The following CACNA1A variants were observed in gnomAD, a reference collection of about 807,000 sequenced individuals.
The protein encoded by CACNA1A is voltage-dependent P/Q-type calcium channel subunit alpha-1A.
CACNA1A carries 57 observed loss-of-function variants against 262.4 expected under a neutral mutation model. The ratio of observed to expected loss-of-function variants is 0.22; its 90% CI spans 0.18 to 0.27. The LOEUF (loss-of-function observed/expected upper bound fraction) is 0.27, where lower values mean the gene tolerates loss of function less well. Ranked by LOEUF, CACNA1A falls within the 10% of genes least tolerant of loss-of-function variation. The probability of loss-of-function intolerance (pLI) is 1.00; values close to 1 mark genes in which losing one functional copy is unlikely to be tolerated. For missense variants in CACNA1A, 2,526 were observed against 3,562.8 expected (o/e 0.71, Z 7.41); for synonymous variants, 1,431 against 1,419.3 (o/e 1.01, Z -0.18).
At chr19:13,390,964 G>A (rs2059700721) in intron 3 of CACNA1A, among the ~76,000 whole-genome samples, 2 of 151,920 alleles carry the variant, frequency 1.3e-5, no homozygotes, top group South Asian at 4.1e-4. Context: ...TCAGCTCACT[G>A]CAACCTCCAC....
At chr19:13,454,582 G>A (rs1444070568) in intron 2 of CACNA1A, among the ~76,000 whole-genome samples, 1 of 152,084 alleles carries the variant, frequency 6.6e-6, no homozygotes, top group Admixed American at 6.6e-5. Context: ...ATGTTGGTCA[G>A]GATGGTCTCG....
At chr19:13,377,597 A>G (rs1328148012) in intron 3 of CACNA1A, among the ~76,000 whole-genome samples, 1 of 151,848 alleles carries the variant, frequency 6.6e-6, no homozygotes, top group African/African-American at 2.4e-5. Context: ...TCCTGACCTC[A>G]AGTTACCCAC....
chr19:13,433,146 A>G (rs963816531), intron 3 of CACNA1A, among the ~76,000 whole-genome samples: 2 of 151,852 alleles, frequency 1.3e-5, no homozygotes, highest in Non-Finnish European at 2.9e-5. Context: ...ACAAAAAATT[A>G]GCCAGGCGAG....
chr19:13,402,789 C>A, intron 3 of CACNA1A, among the ~76,000 whole-genome samples: 1 of 115,300 alleles, frequency 8.7e-6, no homozygotes, highest in African/African-American at 4.0e-5. Context: ...CATATATATA[C>A]ATATATACAC....
At position 13,286,828 on chromosome 19, in the gene CACNA1A, C is replaced by T. The variant is rs373678395; in HGVS notation, c.3228G>A (p.Ala1076=). The T allele has an allele frequency of 5.3e-5, 86 of 1,613,436 alleles. No homozygotes were observed. Among genetic ancestry groups the T allele is most frequent in the South Asian group, 2.2e-4 (20 of 91,048 alleles). Residue 1076 remains alanine (A), a synonymous_variant, in exon 20 of 47, where the codon GCG becomes GCA. Transcript: ENST00000360228. ...DNMKNNKLAT[A]ESAAPHGSLG... The stretch of plus-strand genomic sequence containing the variant: ...GGCTGCCGTGGGGAGCGGCCGACTC[C>T]GCGGTGGCCAGCTTGTTGTTCTTCA...
chr19:13,452,653 C>T, intron 3 of CACNA1A: 1 of 424,778 alleles, frequency 2.4e-6, no homozygotes. Flanking sequence ...CTGGAAGCAG[C>T]CAACAATAAT....
At chr19:13,484,884 A>G (rs1979789701) in intron 1 of CACNA1A, among the ~76,000 whole-genome samples, 1 of 152,234 alleles carries the variant, frequency 6.6e-6, no homozygotes, top group African/African-American at 2.4e-5. Context: ...TTTTAGAGCA[A>G]GCCAGACTTG....
intron 15 of CACNA1A, 38 bp from the exon 16 acceptor site, chr19:13,303,922 C>G (rs1449075782): frequency 1.4e-6 from 2 of 1,423,896 alleles, no homozygotes; most frequent in South Asian, 2.4e-5. Flanking sequence ...CAACCCCCCT[C>G]TCAGCCACGG....
At chr19:13,300,854 TTATGAAGCC>T (rs1331222417) in intron 17 of CACNA1A, among the ~76,000 whole-genome samples, 198 bp from the exon 18 acceptor site, 6 of 152,174 alleles carry the variant, frequency 3.9e-5, no homozygotes, top group African/African-American at 1.4e-4. Context: ...ATCTAACTCA[TTATGAAGCC>T]TATTTTAACA....
chr19:13,456,043 G>A (rs191223346), intron 1 of CACNA1A, among the ~76,000 whole-genome samples: 187 of 151,958 alleles, frequency 1.2e-3, no homozygotes, highest in African/African-American at 4.2e-3. Context: ...CCAGCTACTT[G>A]GGAGGCCGGG....
intron 6 of CACNA1A, among the ~76,000 whole-genome samples, chr19:13,340,059 C>G (rs1287588281): frequency 6.6e-6 from 1 of 152,100 alleles, no homozygotes. Context: ...GCCCAGGGAA[C>G]GAAACTCTGC....
intron 10 of CACNA1A, among the ~76,000 whole-genome samples, chr19:13,321,025 C>CTT (rs55792271): frequency 6.6e-5 from 9 of 135,928 alleles, no homozygotes; most frequent in Admixed American, 2.3e-4. Context: ...TGTTCTTTTC[C>CTT]TTTTTTTTTT....
chr19:13,299,018 CT>C lies in CACNA1A; in HGVS notation c.2614del (p.Ser872AlafsTer20), dbSNP rs762271784. The C allele has an allele frequency of 6.3e-7, 1 of 1,589,500 alleles. No individual in the cohort carries two copies. Among genetic ancestry groups the C allele is most frequent in the Non-Finnish European group, 8.5e-7 (1 of 1,173,872 alleles). ...ARYHDRARDP[S>X]GSAGLDARRP... Reference sequence around the variant, plus strand: ...CCGTGCGTCCAGGCCCGCCGAGCCGCTGGGGTCCCGGGCCCGATCGTGGTAG... The same window carrying C: ...CCGTGCGTCCAGGCCCGCCGAGCCGCGGGGTCCCGGGCCCGATCGTGGTAG... On this transcript the variant is annotated frameshift_variant, in exon 19 of 47. Coordinates refer to ENST00000360228, the MANE Select transcript of CACNA1A (RefSeq NM_001127222.2). LOFTEE classifies it high-confidence loss of function.
intron 19 of CACNA1A, among the ~76,000 whole-genome samples, chr19:13,288,486 C>T (rs2057458435): frequency 1.3e-5 from 2 of 152,286 alleles, no homozygotes; most frequent in Admixed American, 6.5e-5. Context: ...GATCCACCCA[C>T]CTCAGCCTCC....
At chr19:13,290,312 CT>C (rs1387714927) in intron 19 of CACNA1A, among the ~76,000 whole-genome samples, 1 of 152,120 alleles carries the variant, frequency 6.6e-6, no homozygotes, top group East Asian at 1.9e-4. Flanking sequence ...TTCTAACCTG[CT>C]TGTGATGCTT....
intron 3 of CACNA1A, among the ~76,000 whole-genome samples, chr19:13,432,691 T>C (rs1293631401): frequency 6.6e-6 from 1 of 152,132 alleles, no homozygotes; most frequent in Non-Finnish European, 1.5e-5. Context: ...CAACATAAGG[T>C]ATTGTATATT....
At chr19:13,219,941 C>G (rs1423097435) in intron 38 of CACNA1A, among the ~76,000 whole-genome samples, 2 of 110,866 alleles carry the variant, frequency 1.8e-5, no homozygotes, top group Non-Finnish European at 3.5e-5. Flanking sequence ...CAGAACAAGA[C>G]TCCGTTTCAA....
At chr19:13,373,964 C>T (rs2059365087) in intron 3 of CACNA1A, among the ~76,000 whole-genome samples, 1 of 152,210 alleles carries the variant, frequency 6.6e-6, no homozygotes, top group Non-Finnish European at 1.5e-5. Context: ...AAGACAATGG[C>T]TTTGAGGGGC....
intron 3 of CACNA1A, among the ~76,000 whole-genome samples, chr19:13,437,273 A>T (rs1255012523): frequency 2.0e-5 from 3 of 152,222 alleles, no homozygotes; most frequent in Admixed American, 2.0e-4. Context: ...TGAAGATGAT[A>T]AGCTATGTAA....
Sources: gnomAD v4.1 joint callset for allele counts (sites outside exome capture counted in the v4.1 genomes callset) on GRCh38, gnomAD v4.1.1 for gene constraint, MANE v1.5 for transcripts, NCBI Gene and HGNC (gene_info 2026-07-23, HGNC 2026-07-21) for gene names.